The following GRIK4 variants were observed in gnomAD, a reference collection of about 807,000 sequenced individuals.
The protein encoded by GRIK4 is glutamate ionotropic receptor kainate type subunit 4, also known as glutamate receptor ionotropic, kainate 4.
A neutral mutation model predicts 104.9 loss-of-function variants in GRIK4; 40 were observed. That is an observed-to-expected ratio of 0.38 (90% CI 0.30 to 0.50). The LOEUF (loss-of-function observed/expected upper bound fraction) is 0.50, where lower values mean the gene tolerates loss of function less well. Among genes scored for constraint, GRIK4 ranks in the 20% least tolerant of loss-of-function variants. The pLI, the probability that GRIK4 is intolerant of heterozygous loss-of-function variation, is 0.93. For missense variants in GRIK4, 1,047 were observed against 1,308.1 expected, an observed-to-expected ratio of 0.80 and a Z score of 3.08; for synonymous variants, 485 against 524.9, an observed-to-expected ratio of 0.92 and a Z score of 1.04.
At position 120,874,073 on chromosome 11, in the gene GRIK4, C is replaced by T. The variant is rs570219186; in HGVS notation, c.914C>T (p.Ser305Leu). 3 of 1,606,538 alleles carry T rather than the reference C, an allele frequency of 1.9e-6. No homozygotes were observed. The highest frequency in any genetic ancestry group is 2.6e-6 in the Non-Finnish European group (3 of 1,173,786). Reference sequence around the variant, plus strand: ...CTCCCCGGCCTCTCCCAGCTCTCCTCGGCCCTGCTGTTTGATGCTGTCTAT... The same window carrying T: ...CTCCCCGGCCTCTCCCAGCTCTCCTTGGCCCTGCTGTTTGATGCTGTCTAT... ...HVPFTGPALS[S>L]ALLFDAVYAV... The change falls in exon 10 of 21, where the codon TCG becomes TTG. Residue 305 changes from serine to leucine, a missense_variant. Physicochemically the swap from Ser to Leu is moderately radical, Grantham distance 145. Around this residue, in one of 3 missense-constraint regions of GRIK4, gnomAD observed 447 missense variants for 514.9 expected, o/e 0.87. Transcript: ENST00000527524.
intron 3 of GRIK4, among the ~76,000 whole-genome samples, chr11:120,743,028 C>T (rs1306589369): frequency 8.5e-5 from 13 of 152,076 alleles, no homozygotes; most frequent in Admixed American, 2.6e-4. Flanking sequence ...GTCAGGAGTT[C>T]GAGACCAGCC....
chr11:120,798,157 CTTTTTTTTTTTTTT>C (rs539833846), intron 3 of GRIK4, among the ~76,000 whole-genome samples: 2 of 68,086 alleles, frequency 2.9e-5, no homozygotes, highest in Admixed American at 2.3e-4. Flanking sequence ...TCTGCTGTCT[CTTTTTTTTTTTTTT>C]TTTTTTTTTT....
chr11:120,864,467 C>T (rs1174216579), intron 9 of GRIK4, among the ~76,000 whole-genome samples: 1 of 152,038 alleles, frequency 6.6e-6, no homozygotes, highest in Non-Finnish European at 1.5e-5. Flanking sequence ...GTCTCGATCT[C>T]CTGACTTCGT....
intron 18 of GRIK4, among the ~76,000 whole-genome samples, chr11:120,965,030 C>T (rs1050201814): frequency 4.6e-5 from 7 of 152,144 alleles, no homozygotes; most frequent in Non-Finnish European, 1.0e-4. Context: ...TTACACAGTT[C>T]ATTGATGAGT....
At chr11:120,848,962 G>A (rs1416255577) in intron 8 of GRIK4, among the ~76,000 whole-genome samples, 1 of 152,138 alleles carries the variant, frequency 6.6e-6, no homozygotes, top group African/African-American at 2.4e-5. Context: ...AACAGGGGAT[G>A]TTGAGACCCT....
chr11:120,693,619 G>T (rs1183330551), intron 3 of GRIK4, among the ~76,000 whole-genome samples: 1 of 152,172 alleles, frequency 6.6e-6, no homozygotes, highest in Non-Finnish European at 1.5e-5. Flanking sequence ...GACAGTCTCT[G>T]CCCACCAAAG....
chr11:120,733,683 TA>T (rs1951177423), intron 3 of GRIK4, among the ~76,000 whole-genome samples: 1 of 152,126 alleles, frequency 6.6e-6, no homozygotes, highest in Non-Finnish European at 1.5e-5. Flanking sequence ...TACTATGCCT[TA>T]AAAGTTGTTG....
intron 1 of GRIK4, among the ~76,000 whole-genome samples, chr11:120,641,739 T>C (rs771211145): frequency 1.3e-5 from 2 of 152,154 alleles, no homozygotes; most frequent in Non-Finnish European, 2.9e-5. Flanking sequence ...CCACACACCC[T>C]GTTTTATCAG....
At chr11:120,962,815 A>C in intron 18 of GRIK4, 134 bp downstream of exon 18, 1 of 513,400 alleles carries the variant, frequency 1.9e-6, no homozygotes. Flanking sequence ...TTACGTGGGC[A>C]TTCTAAAGTT....
intron 3 of GRIK4, among the ~76,000 whole-genome samples, chr11:120,681,418 C>T (rs1344124948): frequency 6.6e-6 from 1 of 152,210 alleles, no homozygotes; most frequent in Admixed American, 6.5e-5. Context: ...GTTCCTCTCT[C>T]TCGAGGCTGC....
At chr11:120,733,664 G>T in intron 3 of GRIK4, among the ~76,000 whole-genome samples, 1 of 150,604 alleles carries the variant, frequency 6.6e-6, no homozygotes, top group Non-Finnish European at 1.5e-5. Flanking sequence ...TTCTCTTTAT[G>T]TCATATTGTA....
In GRIK4 at chr11:120,794,720, G is replaced by T. The variant is rs187785284; in HGVS notation, c.83-7973G>T. On this transcript the variant is annotated intron_variant, in intron 3 of 20. Transcript: ENST00000527524. ...CCAGAATTGTGAGAAAAGGAATTTTGGTTGTTTAAGCCTTTCAGTCTGTGG... is the reference window on the plus strand; with the variant it reads ...CCAGAATTGTGAGAAAAGGAATTTTTGTTGTTTAAGCCTTTCAGTCTGTGG... 2.6e-5 allele frequency among the ~76,000 whole-genome samples: 4 copies of T among 152,246 alleles called. No individual in the cohort carries two copies. The East Asian group carries it at 7.7e-4, about 29-fold the overall frequency.
intron 3 of GRIK4, among the ~76,000 whole-genome samples, chr11:120,677,724 G>C (rs914218026): frequency 6.6e-6 from 1 of 152,180 alleles, no homozygotes; most frequent in African/African-American, 2.4e-5. Flanking sequence ...TCCAGGGACC[G>C]TGGGGACATT....
intron 3 of GRIK4, among the ~76,000 whole-genome samples, chr11:120,677,085 A>C (rs1950109702): frequency 1.3e-5 from 2 of 152,206 alleles, no homozygotes; most frequent in South Asian, 4.1e-4. Flanking sequence ...CAATGGACAG[A>C]GGGAACTGGA....
intron 1 of GRIK4, among the ~76,000 whole-genome samples, chr11:120,611,419 CGT>C (rs1949036206): frequency 6.6e-6 from 1 of 152,144 alleles, no homozygotes; most frequent in Non-Finnish European, 1.5e-5. Context: ...TTAGCATTAA[CGT>C]GTGCGTGTCT....
intron 3 of GRIK4, among the ~76,000 whole-genome samples, chr11:120,669,696 C>G (rs1245775011): frequency 6.6e-6 from 1 of 152,240 alleles, no homozygotes; most frequent in African/African-American, 2.4e-5. Flanking sequence ...CCATCTTGTT[C>G]TTGCACTGTT....
At chr11:120,850,796 C>CATTATTATTATT (rs60692595) in intron 8 of GRIK4, among the ~76,000 whole-genome samples, 9,706 of 144,724 alleles carry the variant, frequency 0.067, 387 homozygotes, top group South Asian at 0.096. Context: ...TGGCAAATCA[C>CATTATTATTATT]ATTATTATTA....
Position 120,986,285 on chromosome 11 carries a change from AGGCCGGGC to A in GRIK4, c.*28_*35del. The A allele has an allele frequency of 9.9e-7, 1 of 1,009,332 alleles. No homozygotes were observed. Among genetic ancestry groups the A allele is most frequent in the Non-Finnish European group, 1.3e-6 (1 of 757,880 alleles). The allele number at this position is 1,009,332 out of a possible 1,614,324, so 62.5% of individuals were successfully genotyped here. Reference sequence around the variant, plus strand: ...GTCCCGGAGGCCACAGGACGCGCAGAGGCCGGGCGGGGCGGGAGGGGAGGGGCGGGGCG... The same window carrying A: ...GTCCCGGAGGCCACAGGACGCGCAGAGGGGCGGGAGGGGAGGGGCGGGGCG... On this transcript the variant is annotated 3_prime_UTR_variant, in exon 21 of 21. Transcript: ENST00000527524.
At chr11:120,727,803 G>T (rs1422491870) in intron 3 of GRIK4, among the ~76,000 whole-genome samples, 1 of 151,836 alleles carries the variant, frequency 6.6e-6, no homozygotes, top group African/African-American at 2.4e-5. Context: ...ACTATAAGGA[G>T]CACAAGAACC....
Sources: allele counts gnomAD v4.1 joint callset (sites outside exome capture counted in the v4.1 genomes callset), GRCh38; gene constraint gnomAD v4.1.1; regional missense constraint gnomAD v4.1.1; transcripts MANE v1.5; gene names NCBI Gene and HGNC (gene_info 2026-07-23, HGNC 2026-07-21).